RPUSD2: variants seen among roughly 807,000 people sequenced by gnomAD.
RPUSD2 encodes the protein pseudouridylate synthase RPUSD2.
In RPUSD2, 31 loss-of-function variants were observed where a neutral mutation model predicts 41.5. The observed-to-expected ratio is 0.75, with a 90% CI of 0.56 to 1.01. RPUSD2 has a LOEUF of 1.01. Ranked by LOEUF, RPUSD2 falls within the 50% of genes least tolerant of loss-of-function variation. The pLI, the probability that RPUSD2 is intolerant of heterozygous loss-of-function variation, is 0.00. For synonymous variants in RPUSD2, 305 were observed against 289.7 expected, an observed-to-expected ratio of 1.05 and a Z score of -0.54; for missense variants, 749 against 724.7, an observed-to-expected ratio of 1.03 and a Z score of -0.38.
In RPUSD2 at chr15:40,571,663, C is replaced by T. The variant is rs963879494; in HGVS notation, c.666C>T (p.Pro222=). ...HRHEPPVTAE[P]IRLLAENEDV... is the part of the protein sequence containing the mutation. ...ATGAGCCACCAGTCACAGCAGAGCC[C>T]ATTCGCCTGCTAGCTGAGAACGAAG... The change falls in exon 2 of 3, where the codon CCC becomes CCT. Residue 222 remains proline (P), a synonymous_variant. Transcript: ENST00000315616. 2.5e-6 allele frequency: 4 copies of T among 1,614,118 alleles called. No individual in the cohort carries two copies. The African/African-American group carries it at 4.0e-5, about 16-fold the overall frequency.
At chr15:40,573,009 T>G (rs185463740) in intron 2 of RPUSD2, among the ~76,000 whole-genome samples, 157 of 128,644 alleles carry the variant, frequency 1.2e-3, no homozygotes, top group Non-Finnish European at 2.0e-3. Context: ...TAAATGCTTT[T>G]CTTTTCTTTT....
chr15:40,569,826 G>A lies in RPUSD2; in HGVS notation c.489G>A (p.Leu163=). 6.2e-7 allele frequency: 1 copy of A among 1,613,324 alleles called. No homozygotes were observed. Among genetic ancestry groups the A allele is most frequent in the Non-Finnish European group, 8.5e-7 (1 of 1,179,784 alleles). The change falls in exon 1 of 3, where the codon CTG becomes CTA. Residue 163 remains leucine (L), a synonymous_variant. Transcript: ENST00000315616. ...CKGRWVGHSL[L]HVFSTEFRAQ... Reference sequence around the variant, plus strand: ...GTCGCTGGGTGGGCCACAGCTTGCTGCACGTCTTCAGTACCGAGTTCCGAG... The same window carrying A: ...GTCGCTGGGTGGGCCACAGCTTGCTACACGTCTTCAGTACCGAGTTCCGAG...
At position 40,574,449 on chromosome 15, in the gene RPUSD2, C is replaced by A; in HGVS notation, c.*188C>A. 1.8e-6 allele frequency: 1 copy of A among 553,882 alleles called. No homozygotes were observed. The allele number at this position is 553,882 out of a possible 1,614,324, so 34.3% of individuals were successfully genotyped here. Reference sequence around the variant, plus strand: ...GACTTTTTGGTTTGTAAATATATCCCTTTTTCTAACATCTTTGATGTCTGG... The same window carrying A: ...GACTTTTTGGTTTGTAAATATATCCATTTTTCTAACATCTTTGATGTCTGG... On this transcript the variant is annotated 3_prime_UTR_variant, in exon 3 of 3. Coordinates refer to ENST00000315616, the MANE Select transcript of RPUSD2 (RefSeq NM_152260.3).
Position 40,574,390 on chromosome 15 carries a change from C to T in RPUSD2, c.*129C>T. The T allele has an allele frequency of 9.0e-7, 1 of 1,106,176 alleles. No individual in the cohort carries two copies. The highest frequency in any genetic ancestry group is 1.3e-6 in the Non-Finnish European group (1 of 793,136). The allele number at this position is 1,106,176 out of a possible 1,614,324, so 68.5% of individuals were successfully genotyped here. ...GGACGGGCTTCTAAAGAGACCTGCT[C>T]ATACTTGCTACCTCCTTCCAGTGGG... On this transcript the variant is annotated 3_prime_UTR_variant, in exon 3 of 3. Coordinates refer to ENST00000315616, the MANE Select transcript of RPUSD2 (RefSeq NM_152260.3).
chr15:40,569,992 G>GTTTTGTTTTGTTTT, intron 1 of RPUSD2, 49 bp downstream of exon 1: 1 of 1,412,644 alleles, frequency 7.1e-7, no homozygotes, highest in African/African-American at 1.4e-5. Flanking sequence ...AAAGGGGCCG[G>GTTTTGTTTTGTTTT]GTTTTGTTTT....
In RPUSD2 at chr15:40,573,618, T is replaced by C. The variant is rs1891187475; in HGVS notation, c.995T>C (p.Val332Ala). The change falls in exon 3 of 3, where the codon GTA (valine) becomes GCA (alanine). Residue 332 changes from valine (V) to alanine (A), a missense_variant. Transcript: ENST00000315616. ...KEPILVVSYK[V>A]GVCRVDPRGK... ...CCCATCTTAGTGGTGTCTTACAAAGTAGGGGTGTGCCGTGTAGATCCCCGG... is the reference window on the plus strand; with the variant it reads ...CCCATCTTAGTGGTGTCTTACAAAGCAGGGGTGTGCCGTGTAGATCCCCGG... The C allele has an allele frequency of 6.2e-7, 1 of 1,614,062 alleles. No individual in the cohort carries two copies. Among genetic ancestry groups the C allele is most frequent in the African/African-American group, 1.3e-5 (1 of 74,920 alleles).
rs762743478 is a variant in RPUSD2 at position 40,569,551 on chromosome 15, C to T, written c.214C>T (p.Pro72Ser). ...DAKVELSPGP[P>S]KPAGREVEPA... ...GAAGGTTGAGCTGTCCCCCGGGCCC[C>T]CGAAGCCGGCTGGCCGGGAAGTGGA... Residue 72 changes from proline to serine, a missense_variant, in exon 1 of 3, where the codon CCG becomes TCG. By Grantham distance (74) the Pro-to-Ser change is moderately conservative. Transcript: ENST00000315616. 2.0e-6 allele frequency: 3 copies of T among 1,535,496 alleles called. No individual in the cohort carries two copies. The highest frequency in any genetic ancestry group is 2.3e-5 in the East Asian group (1 of 44,292).
chr15:40,569,434 G>C lies in RPUSD2; in HGVS notation c.97G>C (p.Gly33Arg). ...TACCAGGACTTGGAGTGGCGATAAG[G>C]GCCCAATGGCAGAAACAGTGTCTAC... The part of the protein sequence containing the change: ...SFTRTWSGDK[G>R]PMAETVSTQV... Residue 33 changes from glycine to arginine, a missense_variant, in exon 1 of 3, where the codon GGC becomes CGC. Physicochemically the swap from Gly to Arg is moderately radical, Grantham distance 125. Transcript: ENST00000315616. The C allele has an allele frequency of 1.9e-6, 3 of 1,563,560 alleles. No individual in the cohort carries two copies. The South Asian group carries it at 3.6e-5, about 19-fold the overall frequency.
At position 40,573,650 on chromosome 15, in the gene RPUSD2, C is replaced by A. The variant is rs1355020269; in HGVS notation, c.1027C>A (p.Pro343Thr). ...GVCRVDPRGK[P>T]CETVFQRLSY... The stretch of plus-strand genomic sequence containing the variant: ...GTGCCGTGTAGATCCCCGGGGCAAG[C>A]CCTGTGAGACAGTGTTCCAGAGGCT... Residue 343 changes from proline (P) to threonine (T), a missense_variant, in exon 3 of 3, where the codon CCC becomes ACC. Transcript: ENST00000315616. 3 of 1,610,778 alleles carry A rather than the reference C, an allele frequency of 1.9e-6. No individual in the cohort carries two copies. The East Asian group carries it at 6.7e-5, about 36-fold the overall frequency.
At chr15:40,571,950 C>T (rs376743785) in intron 2 of RPUSD2, 50 bp downstream of exon 2, 1 of 1,571,040 alleles carries the variant, frequency 6.4e-7, no homozygotes, top group Non-Finnish European at 8.7e-7. Context: ...CTCACGAATG[C>T]TCTGTGTCAA....
Position 40,574,368 on chromosome 15 carries a change from C to A in RPUSD2, c.*107C>A. 7.2e-7 allele frequency: 1 copy of A among 1,395,642 alleles called. No individual in the cohort carries two copies. The highest frequency in any genetic ancestry group is 9.6e-7 in the Non-Finnish European group (1 of 1,038,788). 86.5% of individuals were successfully genotyped at this position (1,395,642 alleles called of 1,614,324 possible). On this transcript the variant is annotated 3_prime_UTR_variant, in exon 3 of 3. Coordinates refer to ENST00000315616, the MANE Select transcript of RPUSD2 (RefSeq NM_152260.3). ...CTTGGGGTTTCTATAGGAATGAGGA[C>A]GGGCTTCTAAAGAGACCTGCTCATA... is the stretch of plus-strand genomic sequence containing the variant.
At position 40,569,594 on chromosome 15, in the gene RPUSD2, G is replaced by A; in HGVS notation, c.257G>A (p.Gly86Glu). 2 of 1,536,522 alleles carry A rather than the reference G, an allele frequency of 1.3e-6. No homozygotes were observed. Among genetic ancestry groups the A allele is most frequent in the Non-Finnish European group, 8.8e-7 (1 of 1,141,520 alleles). The change falls in exon 1 of 3, where the codon GGG becomes GAG. Residue 86 changes from glycine to glutamate, a missense_variant. Transcript: ENST00000315616. ...GREVEPAPVG[G>E]EHPSAAAPGP... ...GAAGTGGAGCCGGCCCCAGTAGGCG[G>A]GGAGCATCCCTCGGCTGCAGCCCCA...
intron 1 of RPUSD2, among the ~76,000 whole-genome samples, chr15:40,571,190 C>T (rs1339830655): frequency 1.3e-5 from 2 of 152,112 alleles, no homozygotes; most frequent in Non-Finnish European, 2.9e-5. Flanking sequence ...CAGAGTTTGA[C>T]CATGTTAGCC....
rs79840739 is a variant in RPUSD2 at position 40,571,936 on chromosome 15, T to C, written c.903+36T>C. On this transcript the variant is annotated intron_variant, in intron 2 of 2. Transcript: ENST00000315616. Reference sequence around the variant, plus strand: ...CTTTTGTCTCCTACAGGCCACTTCTTGGGCTCACGAATGCTCTGTGTCAAA... The same window carrying C: ...CTTTTGTCTCCTACAGGCCACTTCTCGGGCTCACGAATGCTCTGTGTCAAA... The C allele has an allele frequency of 1.3e-3, 2,130 of 1,597,590 alleles. 20 individuals carry two copies. The East Asian group carries it at 0.027, about 21-fold the overall frequency.
intron 1 of RPUSD2, 126 bp downstream of exon 1, chr15:40,570,069 CG>C: frequency 7.8e-7 from 1 of 1,281,882 alleles, no homozygotes; most frequent in East Asian, 2.6e-5. Context: ...AATTCTAAAG[CG>C]TTCTCGCTTT....
In RPUSD2 at chr15:40,569,327, GC is replaced by G; in HGVS notation, c.-10del. The G allele has an allele frequency of 2.1e-6, 3 of 1,459,592 alleles. No individual in the cohort carries two copies. The highest frequency in any genetic ancestry group is 1.8e-6 in the Non-Finnish European group (2 of 1,105,396). The allele number at this position is 1,459,592 out of a possible 1,614,324, so 90.4% of individuals were successfully genotyped here. A position where few individuals can be genotyped will look rare whatever the true frequency, so the allele number is the denominator to read the frequency against. ...TCGCGACCCTGGGAGTGGAGTGGGG[GC>G]AGCGTGGTTATGTGGCTGGACCGCC... On this transcript the variant is annotated 5_prime_UTR_variant, in exon 1 of 3. Transcript: ENST00000315616.
At position 40,573,958 on chromosome 15, in the gene RPUSD2, CT is replaced by C; in HGVS notation, c.1336del (p.Ser446ProfsTer22). ...SPGLTDSTAP[S>X]SELGKDDLEE... ...CAGGACTCACAGACTCTACGGCCCC[CT>C]CCTCAGAGTTGGGCAAGGACGACCT... On this transcript the variant is annotated frameshift_variant, in exon 3 of 3. Transcript: ENST00000315616. LOFTEE classifies it high-confidence loss of function. 6.8e-6 allele frequency: 11 copies of C among 1,614,146 alleles called. No homozygotes were observed. Among genetic ancestry groups the C allele is most frequent in the Non-Finnish European group, 9.3e-6 (11 of 1,180,014 alleles).
intron 2 of RPUSD2, among the ~76,000 whole-genome samples, chr15:40,572,364 C>A (rs969558617): frequency 3.3e-5 from 5 of 151,818 alleles, no homozygotes; most frequent in Non-Finnish European, 5.9e-5. Context: ...AGATCGAGGT[C>A]ATCCTGGCTA....
At position 40,574,126 on chromosome 15, in the gene RPUSD2, G is replaced by A; in HGVS notation, c.1503G>A (p.Glu501=). The stretch of plus-strand genomic sequence containing the variant: ...AAGAGACAGACCCACTCTGTGCAGA[G>A]TGCCGGCTGGTGCGACAGGATCCCT... The part of the protein sequence containing the change: ...MNQETDPLCA[E]CRLVRQDPLP... Residue 501 remains glutamate, a synonymous_variant, in exon 3 of 3, where the codon GAG becomes GAA. Coordinates refer to ENST00000315616, the MANE Select transcript of RPUSD2 (RefSeq NM_152260.3). The A allele has an allele frequency of 6.2e-7, 1 of 1,614,228 alleles. No individual in the cohort carries two copies. Among genetic ancestry groups the A allele is most frequent in the Non-Finnish European group, 8.5e-7 (1 of 1,180,042 alleles).
Sources: allele counts gnomAD v4.1 joint callset (sites outside exome capture counted in the v4.1 genomes callset), GRCh38; gene constraint gnomAD v4.1.1; transcripts MANE v1.5; gene names NCBI Gene and HGNC (gene_info 2026-07-23, HGNC 2026-07-21).